The following NCOR1 variants were observed in gnomAD, a reference collection of about 807,000 sequenced individuals.
NCOR1 encodes the protein nuclear receptor corepressor 1.
In NCOR1, 63 loss-of-function variants were observed where a neutral mutation model predicts 288.1. That is an observed-to-expected ratio of 0.22 (90% confidence interval 0.18 to 0.27). The LOEUF (loss-of-function observed/expected upper bound fraction) is 0.27, where lower values mean the gene tolerates loss of function less well. NCOR1 is among the 10% of genes least tolerant of loss of function. The probability of loss-of-function intolerance (pLI) is 1.00; values close to 1 mark genes in which losing one functional copy is unlikely to be tolerated. For missense variants in NCOR1, 2,397 were observed against 3,019.2 expected, an observed-to-expected ratio of 0.79 and a Z score of 4.83; for synonymous variants, 1,007 against 1,065.9, an observed-to-expected ratio of 0.94 and a Z score of 1.08.
intron 10 of NCOR1, among the ~76,000 whole-genome samples, chr17:16,145,380 T>C (rs988172115): frequency 8.0e-4 from 117 of 146,758 alleles, no homozygotes; most frequent in Non-Finnish European, 1.4e-3. Context: ...ATGTGGGGAG[T>C]GCCTCTGCCT....
chr17:16,138,276 A>C (rs2076708361), intron 12 of NCOR1, 64 bp from the exon 13 acceptor site: 6 of 1,407,316 alleles, frequency 4.3e-6, no homozygotes, highest in Non-Finnish European at 5.9e-6. Flanking sequence ...AAAAAAAAAA[A>C]ACTTGGGAAA....
intron 14 of NCOR1, among the ~76,000 whole-genome samples, chr17:16,132,791 C>CT (rs34110444): frequency 0.52 from 67,374 of 129,982 alleles, 18,245 homozygotes; most frequent in Middle Eastern, 0.58. Flanking sequence ...GCAAACTACA[C>CT]TTTTTTTTTT....
chr17:16,193,878 C>T (rs2153557088), intron 2 of NCOR1, among the ~76,000 whole-genome samples: 1 of 152,050 alleles, frequency 6.6e-6, no homozygotes, highest in Non-Finnish European at 1.5e-5. Flanking sequence ...CTGAGAGGAC[C>T]GTTTTATCCC....
intron 19 of NCOR1, among the ~76,000 whole-genome samples, chr17:16,106,881 ATATTTTTTTTTTTTT>A (rs1464339917): frequency 3.8e-4 from 17 of 44,680 alleles, no homozygotes; most frequent in South Asian, 9.0e-4. Flanking sequence ...ATATATATAT[ATATTTTTTTTTTTTT>A]TTTTTTTTTT....
intron 4 of NCOR1, among the ~76,000 whole-genome samples, chr17:16,170,956 T>C (rs1326639272): frequency 1.3e-5 from 2 of 151,974 alleles, no homozygotes; most frequent in Non-Finnish European, 2.9e-5. Context: ...AAGTTCTTAA[T>C]AGAACTCGCA....
rs79243114 is a variant in NCOR1 at position 16,066,884 on chromosome 17, A to T, written c.4741+1010T>A. Among the ~76,000 whole-genome samples the T allele has an allele frequency of 6.5e-3, 996 of 152,344 alleles. 13 individuals carry two copies. The highest frequency in any genetic ancestry group is 0.023 in the African/African-American group (962 of 41,592). On this transcript the variant is annotated intron_variant, in intron 32 of 45. Transcript: ENST00000268712. The stretch of plus-strand genomic sequence containing the variant: ...GATAATGAAAAATTCTTCTCTAAGG[A>T]CCAAAGTGAGGCACAAGTATTCTGT...
In NCOR1 at chr17:16,127,409, A is replaced by G. The variant is rs142703974; in HGVS notation, c.1510-1203T>C. ...TGTATATATACATGTGTATATGTGT[A>G]TGTATATATACATGTGTATATGTGT... is the stretch of plus-strand genomic sequence containing the variant. On this transcript the variant is annotated intron_variant, in intron 14 of 45. Transcript: ENST00000268712. Among the ~76,000 whole-genome samples, 505 of 97,778 alleles carry G rather than the reference A, an allele frequency of 5.2e-3. 151 individuals carry two copies. Among genetic ancestry groups the G allele is most frequent in the African/African-American group, 0.023 (477 of 20,668 alleles). The allele number at this position is 97,778 out of a possible 152,430, so 64.1% of individuals were successfully genotyped here.
chr17:16,068,246 C>T (rs1008295630), intron 31 of NCOR1, 125 bp from the exon 32 acceptor site: 16 of 776,680 alleles, frequency 2.1e-5, no homozygotes, highest in Non-Finnish European at 2.5e-5. Flanking sequence ...TTCCACTCAA[C>T]ATTTAACATT....
chr17:16,167,879 A>C (rs1372565899), intron 4 of NCOR1, among the ~76,000 whole-genome samples: 1 of 149,786 alleles, frequency 6.7e-6, no homozygotes, highest in African/African-American at 2.4e-5. Flanking sequence ...AAAAAAAAAA[A>C]CCACACACAC....
At chr17:16,199,210 A>ACAC (rs1555813660) in intron 1 of NCOR1, among the ~76,000 whole-genome samples, 1 of 109,130 alleles carries the variant, frequency 9.2e-6, no homozygotes, top group African/African-American at 3.6e-5. Flanking sequence ...GAAGGAAAAA[A>ACAC]AAAAAAACAC....
chr17:16,067,338 A>G (rs2061245071), intron 32 of NCOR1, among the ~76,000 whole-genome samples: 1 of 152,244 alleles, frequency 6.6e-6, no homozygotes, highest in South Asian at 2.1e-4. Context: ...ACAGCTTTGG[A>G]AAGAGTTGAT....
intron 37 of NCOR1, among the ~76,000 whole-genome samples, 187 bp from the exon 38 acceptor site, chr17:16,058,786 G>T (rs1370147507): frequency 6.6e-6 from 1 of 151,874 alleles, no homozygotes; most frequent in African/African-American, 2.4e-5. Flanking sequence ...GTGGCTCATG[G>T]CTGTAATCCC....
intron 35 of NCOR1, 24 bp downstream of exon 35, chr17:16,064,044 G>A (rs1339494511): frequency 6.2e-7 from 1 of 1,612,906 alleles, no homozygotes; most frequent in Admixed American, 1.7e-5. Context: ...TCCAGAGAAT[G>A]GAAGAGCAGT....
chr17:16,039,123 C>G (rs1360506784), intron 44 of NCOR1: 2 of 241,926 alleles, frequency 8.3e-6, no homozygotes, highest in East Asian at 8.7e-5. Flanking sequence ...CACTTTTATT[C>G]AAAAACATTA....
chr17:16,070,333 T>G lies in NCOR1; in HGVS notation c.4345A>C (p.Thr1449Pro). 6.2e-7 allele frequency: 1 copy of G among 1,614,192 alleles called. No individual in the cohort carries two copies. Among genetic ancestry groups the G allele is most frequent in the Non-Finnish European group, 8.5e-7 (1 of 1,180,032 alleles). The change falls in exon 31 of 46, where the codon ACG becomes CCG. Residue 1449 changes from threonine to proline, a missense_variant. This residue lies in a region of NCOR1 where 1,872 missense variants were observed against 2,187.8 expected (regional missense o/e 0.86). Coordinates refer to ENST00000268712, the MANE Select transcript of NCOR1 (RefSeq NM_006311.4). ...KAGETVRSRH[T>P]SVVSSGPSVL... is the part of the protein sequence containing the mutation. ...GAGGGGCCAGAGCTTACCACTGACG[T>G]GTGCCGGGAACGCACGGTCTCGCCT...
intron 23 of NCOR1, chr17:16,083,909 A>C (rs1227267332): frequency 6.6e-6 from 1 of 152,188 alleles, no homozygotes; most frequent in African/African-American, 2.4e-5. Context: ...TCCTGCAAAT[A>C]AAATAAATGA....
chr17:16,096,422 G>T (rs2152958796), intron 21 of NCOR1, among the ~76,000 whole-genome samples: 1 of 152,256 alleles, frequency 6.6e-6, no homozygotes, highest in African/African-American at 2.4e-5. Flanking sequence ...GAAATCTGTA[G>T]ATTATTAAGG....
At chr17:16,061,958 A>T in intron 36 of NCOR1, 64 bp from the exon 37 acceptor site, 1 of 1,565,386 alleles carries the variant, frequency 6.4e-7, no homozygotes, top group Middle Eastern at 1.7e-4. Flanking sequence ...TGTGGTGGGG[A>T]GATGGAAGGA....
chr17:16,158,941 G>T, intron 5 of NCOR1, 68 bp from the exon 6 acceptor site: 2 of 1,063,940 alleles, frequency 1.9e-6, no homozygotes, highest in East Asian at 2.4e-5. Context: ...TTAACCACTG[G>T]AGATAACACA....
Sources: gnomAD v4.1 joint callset for allele counts (sites outside exome capture counted in the v4.1 genomes callset) on GRCh38, gnomAD v4.1.1 for gene constraint, gnomAD v4.1.1 regional missense constraint, MANE v1.5 for transcripts, NCBI Gene and HGNC (gene_info 2026-07-23, HGNC 2026-07-21) for gene names.